The following CNTN1 variants were observed in gnomAD, a reference collection of about 807,000 sequenced individuals.
CNTN1 encodes contactin 1, also known as contactin-1.
Under a neutral mutation model 126.4 loss-of-function variants are expected in CNTN1, and 38 were observed. The observed-to-expected ratio is 0.30, with a 90% CI of 0.23 to 0.39. CNTN1 has a LOEUF of 0.39. CNTN1 is among the 10% of genes least tolerant of loss of function. CNTN1 has a pLI of 1.00. For missense variants in CNTN1, 1,009 were observed against 1,248.4 expected, an observed-to-expected ratio of 0.81 and a Z score of 2.89; for synonymous variants, 413 against 422.6, an observed-to-expected ratio of 0.98 and a Z score of 0.28.
chr12:40,717,822 T>C (rs1942087349), intron 1 of CNTN1, among the ~76,000 whole-genome samples: 1 of 152,198 alleles, frequency 6.6e-6, no homozygotes, highest in Non-Finnish European at 1.5e-5. Flanking sequence ...TGAAAAGTAA[T>C]TGTGCCCATG....
At chr12:40,783,597 A>G (rs1428927425) in intron 1 of CNTN1, among the ~76,000 whole-genome samples, 6 of 152,062 alleles carry the variant, frequency 3.9e-5, no homozygotes, top group Admixed American at 3.9e-4. Context: ...TACCTTAAGC[A>G]TTTTCTTTCA....
chr12:40,875,547 T>C (rs1943639355), intron 1 of CNTN1, among the ~76,000 whole-genome samples: 1 of 152,128 alleles, frequency 6.6e-6, no homozygotes, highest in African/African-American at 2.4e-5. Context: ...GGAATTCCAT[T>C]ATATAGGATT....
intron 1 of CNTN1, among the ~76,000 whole-genome samples, chr12:40,732,585 A>T (rs949042154): frequency 1.3e-5 from 2 of 152,070 alleles, no homozygotes; most frequent in Admixed American, 1.3e-4. Flanking sequence ...GAGGGGAATG[A>T]GAAACCACTA....
intron 1 of CNTN1, among the ~76,000 whole-genome samples, chr12:40,751,234 G>A (rs1189556141): frequency 1.3e-5 from 2 of 152,058 alleles, no homozygotes; most frequent in East Asian, 3.9e-4. Flanking sequence ...AGTGTTGGCT[G>A]CAGATTTGAT....
intron 1 of CNTN1, among the ~76,000 whole-genome samples, chr12:40,776,300 T>G (rs1939575054): frequency 6.6e-6 from 1 of 151,698 alleles, no homozygotes; most frequent in South Asian, 2.1e-4. Flanking sequence ...AGTAAAGCCT[T>G]TATAACAAAC....
chr12:40,971,614 C>T (rs1197204654), intron 15 of CNTN1: 1 of 1,511,170 alleles, frequency 6.6e-7, no homozygotes, highest in Non-Finnish European at 8.8e-7. Flanking sequence ...TCTCCCCACC[C>T]CCAACCTAGT....
chr12:40,774,412 C>T (rs1939494068), intron 1 of CNTN1, among the ~76,000 whole-genome samples: 1 of 151,584 alleles, frequency 6.6e-6, no homozygotes, highest in African/African-American at 2.4e-5. Context: ...TAAGGGAAGA[C>T]ATCGATCTAT....
chr12:40,983,833 T>C (rs1435662712), intron 16 of CNTN1, among the ~76,000 whole-genome samples: 1 of 138,824 alleles, frequency 7.2e-6, no homozygotes, highest in Non-Finnish European at 1.6e-5. Flanking sequence ...TTGTTATATA[T>C]GCTATTATAG....
At chr12:40,810,594 AT>A (rs35584090) in intron 1 of CNTN1, among the ~76,000 whole-genome samples, 84,236 of 147,946 alleles carry the variant, frequency 0.57, 23,841 homozygotes, top group East Asian at 0.74. Flanking sequence ...TATGAGATTG[AT>A]TTTTTTTTTT....
chr12:40,917,174 GA>G (rs747263115), intron 3 of CNTN1, among the ~76,000 whole-genome samples: 1 of 151,914 alleles, frequency 6.6e-6, no homozygotes, highest in Non-Finnish European at 1.5e-5. Context: ...CCAAAGGAGT[GA>G]AAACTTGGCT....
At chr12:40,747,157 C>A (rs1426053294) in intron 1 of CNTN1, among the ~76,000 whole-genome samples, 1 of 151,998 alleles carries the variant, frequency 6.6e-6, no homozygotes, top group Non-Finnish European at 1.5e-5. Flanking sequence ...CATTTAGTTT[C>A]CAGTTGGGAA....
chr12:40,713,685 T>C (rs1941980288), intron 1 of CNTN1, among the ~76,000 whole-genome samples: 1 of 152,026 alleles, frequency 6.6e-6, no homozygotes, highest in Non-Finnish European at 1.5e-5. Flanking sequence ...GTTAAAAATA[T>C]GCCATAAGGC....
intron 15 of CNTN1, among the ~76,000 whole-genome samples, chr12:40,978,448 T>C (rs1284747292): frequency 6.6e-6 from 1 of 152,110 alleles, no homozygotes; most frequent in African/African-American, 2.4e-5. Flanking sequence ...GATGATATAG[T>C]ATTTCAAGAC....
intron 14 of CNTN1, among the ~76,000 whole-genome samples, chr12:40,957,096 G>T (rs568129460): frequency 2.6e-5 from 4 of 152,074 alleles, no homozygotes; most frequent in African/African-American, 9.6e-5. Context: ...ATGCTATCAA[G>T]AAGTCAAATA....
chr12:41,019,460 A>T (rs903395631), intron 19 of CNTN1, among the ~76,000 whole-genome samples: 11 of 152,226 alleles, frequency 7.2e-5, no homozygotes, highest in African/African-American at 2.7e-4. Flanking sequence ...GAAATCAATC[A>T]TAGTGCTACA....
At position 40,749,726 on chromosome 12, in the gene CNTN1, A is replaced by AC. The variant is rs1938326167; in HGVS notation, c.-77+57134_-77+57135insC. Among the ~76,000 whole-genome samples, 2 of 99,592 alleles carry AC rather than the reference A, an allele frequency of 2.0e-5. 1 individual carries two copies. Among genetic ancestry groups the AC allele is most frequent in the Non-Finnish European group, 4.7e-5 (2 of 43,004 alleles). The allele number at this position is 99,592 out of a possible 152,430, so 65.3% of individuals were successfully genotyped here. A position where few individuals can be genotyped will look rare whatever the true frequency, so the allele number is the denominator to read the frequency against. On this transcript the variant is annotated intron_variant, in intron 1 of 23. Coordinates refer to ENST00000551295, the MANE Select transcript of CNTN1 (RefSeq NM_001843.4). Reference sequence around the variant, plus strand: ...ATGGATAATAGAAAATAAAGTTCTGATAGGTTAAGTAACATGACCAAAATC... The same window carrying AC: ...ATGGATAATAGAAAATAAAGTTCTGACTAGGTTAAGTAACATGACCAAAATC...
At chr12:40,738,272 G>A (rs1937781563) in intron 1 of CNTN1, among the ~76,000 whole-genome samples, 1 of 151,902 alleles carries the variant, frequency 6.6e-6, no homozygotes, top group African/African-American at 2.4e-5. Flanking sequence ...AACTAGTGCG[G>A]GAAAAGAAAA....
chr12:40,841,292 A>G (rs918419473), intron 1 of CNTN1, among the ~76,000 whole-genome samples: 8 of 152,070 alleles, frequency 5.3e-5, no homozygotes, highest in African/African-American at 1.9e-4. Flanking sequence ...AGTAATAAAA[A>G]GTCTCTCAAC....
chr12:40,792,619 T>A (rs925530250), intron 1 of CNTN1, among the ~76,000 whole-genome samples: 20 of 152,180 alleles, frequency 1.3e-4, no homozygotes, highest in African/African-American at 4.8e-4. Context: ...AAAAATAAAT[T>A]CTTGATTTTC....
Sources: allele counts gnomAD v4.1 joint callset (sites outside exome capture counted in the v4.1 genomes callset), GRCh38; gene constraint gnomAD v4.1.1; transcripts MANE v1.5; gene names NCBI Gene and HGNC (gene_info 2026-07-23, HGNC 2026-07-21).